Variants in AMBRA1 observed in about 807,000 individuals in gnomAD.
AMBRA1 encodes activating molecule in BECN1-regulated autophagy protein 1.
A neutral mutation model predicts 125.4 loss-of-function variants in AMBRA1; 47 were observed. The ratio of observed to expected loss-of-function variants is 0.37; its 90% CI spans 0.30 to 0.48. AMBRA1 has a LOEUF of 0.48. AMBRA1 is among the 20% of genes least tolerant of loss of function. The probability of loss-of-function intolerance (pLI) is 0.99; values close to 1 mark genes in which losing one functional copy is unlikely to be tolerated. For synonymous variants in AMBRA1, 626 were observed against 655.5 expected (o/e 0.95, Z 0.69); for missense variants, 1,331 against 1,693.4 (o/e 0.79, Z 3.76).
intron 14 of AMBRA1, among the ~76,000 whole-genome samples, chr11:46,430,317 A>G (rs1451655982): frequency 6.6e-6 from 1 of 152,212 alleles, no homozygotes; most frequent in Non-Finnish European, 1.5e-5. Flanking sequence ...ACCATGCACA[A>G]AACCACAATG....
chr11:46,573,264 G>A (rs1393246172), intron 1 of AMBRA1, among the ~76,000 whole-genome samples: 1 of 151,942 alleles, frequency 6.6e-6, no homozygotes, highest in Non-Finnish European at 1.5e-5. Flanking sequence ...AATTAGCCAG[G>A]TGTGGTGGCA....
At chr11:46,509,680 G>C (rs550779166) in intron 8 of AMBRA1, among the ~76,000 whole-genome samples, 1 of 152,034 alleles carries the variant, frequency 6.6e-6, no homozygotes, top group Admixed American at 6.5e-5. Context: ...TTAAGTGGGA[G>C]AAAAATTGAA....
chr11:46,566,030 T>A (rs1473315664), intron 1 of AMBRA1, among the ~76,000 whole-genome samples: 1 of 151,992 alleles, frequency 6.6e-6, no homozygotes, highest in African/African-American at 2.4e-5. Flanking sequence ...GGAACACAGG[T>A]GTGAGCCACC....
chr11:46,538,521 T>G (rs1260714762), intron 7 of AMBRA1, among the ~76,000 whole-genome samples: 1 of 151,916 alleles, frequency 6.6e-6, no homozygotes, highest in Non-Finnish European at 1.5e-5. Context: ...TTAGACGGAG[T>G]CTTGCTCTGT....
chr11:46,497,027 G>A (rs758698851), intron 9 of AMBRA1, among the ~76,000 whole-genome samples: 46 of 151,804 alleles, frequency 3.0e-4, no homozygotes, highest in Non-Finnish European at 5.6e-4. Flanking sequence ...CACAAGAATC[G>A]CTTGAACCAG....
chr11:46,448,519 T>C lies in AMBRA1; in HGVS notation c.2522-4921A>G, dbSNP rs552939979. 2.0e-5 allele frequency among the ~76,000 whole-genome samples: 3 copies of C among 152,054 alleles called. No homozygotes were observed. The South Asian group carries it at 6.2e-4, about 32-fold the overall frequency. ...TGCATGTATAAGAAAAGACGAAAGA[T>C]CTAAAATCTGTAATTTAAGCACCTA... On this transcript the variant is annotated intron_variant, in intron 11 of 17. Coordinates refer to ENST00000683756, the MANE Select transcript of AMBRA1 (RefSeq NM_001387011.1).
intron 7 of AMBRA1, among the ~76,000 whole-genome samples, chr11:46,515,141 AG>A (rs765200776): frequency 4.6e-5 from 7 of 152,166 alleles, no homozygotes; most frequent in African/African-American, 1.4e-4. Flanking sequence ...TAGTAAGCTG[AG>A]GCCCTTTGGC....
At chr11:46,498,419 T>G (rs1413608398) in intron 9 of AMBRA1, among the ~76,000 whole-genome samples, 1 of 152,164 alleles carries the variant, frequency 6.6e-6, no homozygotes, top group Non-Finnish European at 1.5e-5. Flanking sequence ...TCCCAGTTGC[T>G]GAACTCTGTG....
chr11:46,400,473 GTTTTTTTTTTTTTTT>G lies in AMBRA1; in HGVS notation c.3404-2545_3404-2531del, dbSNP rs553040136. Among the ~76,000 whole-genome samples, 304 of 48,882 alleles carry G rather than the reference GTTTTTTTTTTTTTTT, an allele frequency of 6.2e-3. 2 individuals are homozygous for G. Among genetic ancestry groups the G allele is most frequent in the African/African-American group, 0.017 (268 of 15,480 alleles). The allele number at this position is 48,882 out of a possible 152,430, so 32.1% of individuals were successfully genotyped here. ...CCTCATGCTTCTAGTTCTTTCTATA[GTTTTTTTTTTTTTTT>G]TTTTTTTTTTTTTTTTTTTTTGAGA... On this transcript the variant is annotated intron_variant, in intron 17 of 17. Coordinates refer to ENST00000683756, the MANE Select transcript of AMBRA1 (RefSeq NM_001387011.1).
At position 46,569,568 on chromosome 11, in the gene AMBRA1, T is replaced by C. The variant is rs1591151170; in HGVS notation, c.-120-21068A>G. Among the ~76,000 whole-genome samples, 3 of 151,580 alleles carry C rather than the reference T, an allele frequency of 2.0e-5. No individual in the cohort carries two copies. The East Asian group carries it at 5.8e-4, about 29-fold the overall frequency. The stretch of plus-strand genomic sequence containing the variant: ...GGATAGCTGAGTTAGCCATATTCAG[T>C]GAGAGTAGAGTCTGTGTACTATAGA... On this transcript the variant is annotated intron_variant, in intron 1 of 17. Coordinates refer to ENST00000683756, the MANE Select transcript of AMBRA1 (RefSeq NM_001387011.1).
At chr11:46,525,742 C>T (rs1176933823) in intron 7 of AMBRA1, among the ~76,000 whole-genome samples, 2 of 151,356 alleles carry the variant, frequency 1.3e-5, no homozygotes, top group African/African-American at 4.9e-5. Flanking sequence ...CAGAGCAAGA[C>T]TCCGTCTCAA....
Position 46,544,060 on chromosome 11 carries a change from G to C in AMBRA1, c.552-19C>G, listed in dbSNP as rs1360192483. The C allele has an allele frequency of 6.2e-7, 1 of 1,603,626 alleles. No individual in the cohort carries two copies. Among genetic ancestry groups the C allele is most frequent in the African/African-American group, 1.3e-5 (1 of 74,692 alleles). ...CACCAGACTAAAATCACAGAAGAAA[G>C]AGACAAAGACACACATAGAGAGATT... is the stretch of plus-strand genomic sequence containing the variant. On this transcript the variant is annotated intron_variant, in intron 5 of 17. Coordinates refer to ENST00000683756, the MANE Select transcript of AMBRA1 (RefSeq NM_001387011.1).
At chr11:46,502,575 TC>T (rs1950882254) in intron 9 of AMBRA1, among the ~76,000 whole-genome samples, 1 of 152,116 alleles carries the variant, frequency 6.6e-6, no homozygotes, top group Non-Finnish European at 1.5e-5. Flanking sequence ...TCCTAGAAAT[TC>T]CCGGCTCAGA....
chr11:46,503,060 CAAAA>C (rs35217088), intron 9 of AMBRA1, among the ~76,000 whole-genome samples: 7 of 31,016 alleles, frequency 2.3e-4, no homozygotes, highest in African/African-American at 5.4e-4. Context: ...GACTCTGTCT[CAAAA>C]AAAAAAAAAA....
Position 46,449,020 on chromosome 11 carries a change from T to C in AMBRA1, c.2522-5422A>G, listed in dbSNP as rs1250427649. On this transcript the variant is annotated intron_variant, in intron 11 of 17. Coordinates refer to ENST00000683756, the MANE Select transcript of AMBRA1 (RefSeq NM_001387011.1). ...TCTACCAAACATTTAAGGAAGAAATTGTACCAGTTCTCTAACGTCTCTTCC... is the reference window on the plus strand; with the variant it reads ...TCTACCAAACATTTAAGGAAGAAATCGTACCAGTTCTCTAACGTCTCTTCC... 2.0e-5 allele frequency among the ~76,000 whole-genome samples: 3 copies of C among 152,162 alleles called. No homozygotes were observed. The East Asian group carries it at 5.8e-4, about 29-fold the overall frequency.
At chr11:46,462,410 G>A (rs745530538) in intron 11 of AMBRA1, among the ~76,000 whole-genome samples, 3 of 152,112 alleles carry the variant, frequency 2.0e-5, no homozygotes, top group Non-Finnish European at 2.9e-5. Flanking sequence ...CTCTCCTCAC[G>A]TCTGTCTTCA....
chr11:46,580,531 C>T (rs946738992), intron 1 of AMBRA1, among the ~76,000 whole-genome samples: 1 of 152,222 alleles, frequency 6.6e-6, no homozygotes, highest in Admixed American at 6.5e-5. Context: ...CCACCTTCAT[C>T]TACCCAGATG....
chr11:46,424,009 C>T lies in AMBRA1; in HGVS notation c.2977-5957G>A, dbSNP rs567231250. On this transcript the variant is annotated intron_variant, in intron 14 of 17. Coordinates refer to ENST00000683756, the MANE Select transcript of AMBRA1 (RefSeq NM_001387011.1). ...AACTCCTAATCTCAGGTGATCCACC[C>T]GCCTCAGCCTCCCAAAGTGTTGGGA... Among the ~76,000 whole-genome samples the T allele has an allele frequency of 1.0e-4, 15 of 146,252 alleles. No individual in the cohort carries two copies. In the East Asian group the frequency reaches 1.1e-3, roughly 10 times the overall value.
chr11:46,534,761 C>A (rs1952386814), intron 7 of AMBRA1, among the ~76,000 whole-genome samples: 1 of 152,274 alleles, frequency 6.6e-6, no homozygotes, highest in East Asian at 1.9e-4. Flanking sequence ...GCAGCCTCAA[C>A]CTTCTGAGCT....
Sources: gnomAD v4.1 joint callset for allele counts (sites outside exome capture counted in the v4.1 genomes callset) on GRCh38, gnomAD v4.1.1 for gene constraint, MANE v1.5 for transcripts, NCBI Gene and HGNC (gene_info 2026-07-23, HGNC 2026-07-21) for gene names.